The following ATRNL1 variants were observed in gnomAD, a reference collection of about 807,000 sequenced individuals.
The protein encoded by ATRNL1 is attractin like 1.
A neutral mutation model predicts 182.7 loss-of-function variants in ATRNL1; 95 were observed. The observed-to-expected ratio is 0.52, with a 90% CI of 0.44 to 0.62. The LOEUF is 0.62. Ranked by LOEUF, ATRNL1 falls within the 20% of genes least tolerant of loss-of-function variation. ATRNL1 has a pLI of 0.00. For missense variants in ATRNL1, 1,471 were observed against 1,679.5 expected (o/e 0.88, Z 2.17); for synonymous variants, 576 against 568.3 (o/e 1.01, Z -0.19).
At chr10:115,369,969 G>A (rs1410134365) in intron 19 of ATRNL1, among the ~76,000 whole-genome samples, 1 of 152,196 alleles carries the variant, frequency 6.6e-6, no homozygotes, top group African/African-American at 2.4e-5. Flanking sequence ...AGGTGTTGTG[G>A]GAGGGATCTG....
chr10:115,703,458 T>A (rs1946801815), intron 26 of ATRNL1, among the ~76,000 whole-genome samples: 1 of 151,776 alleles, frequency 6.6e-6, no homozygotes, highest in African/African-American at 2.4e-5. Flanking sequence ...GAGAACATTG[T>A]TATAAATATC....
intron 27 of ATRNL1, among the ~76,000 whole-genome samples, chr10:115,798,035 A>G (rs1485855061): frequency 6.6e-6 from 1 of 152,034 alleles, no homozygotes; most frequent in Non-Finnish European, 1.5e-5. Context: ...CTCCTGCCTC[A>G]GCCTCCTGAG....
chr10:115,545,710 A>G (rs1001236008), intron 25 of ATRNL1, among the ~76,000 whole-genome samples: 1 of 152,236 alleles, frequency 6.6e-6, no homozygotes, highest in African/African-American at 2.4e-5. Flanking sequence ...ATCATATAAA[A>G]ATACATTTTG....
intron 20 of ATRNL1, among the ~76,000 whole-genome samples, chr10:115,421,991 A>T (rs1845671279): frequency 6.6e-6 from 1 of 152,210 alleles, no homozygotes; most frequent in African/African-American, 2.4e-5. Context: ...CTGGCTAGCC[A>T]TATGCAGAAG....
chr10:115,642,934 A>G (rs1859346101), intron 26 of ATRNL1, among the ~76,000 whole-genome samples: 1 of 152,186 alleles, frequency 6.6e-6, no homozygotes, highest in South Asian at 2.1e-4. Flanking sequence ...ACATTTGGCA[A>G]TGTCTGGGGA....
chr10:115,630,507 T>C (rs1858413089), intron 26 of ATRNL1, among the ~76,000 whole-genome samples: 1 of 151,768 alleles, frequency 6.6e-6, no homozygotes, highest in African/African-American at 2.4e-5. Flanking sequence ...AATCTACTTC[T>C]GGGTATATAT....
At chr10:115,386,789 T>G (rs1554952760) in intron 19 of ATRNL1, among the ~76,000 whole-genome samples, 1 of 149,236 alleles carries the variant, frequency 6.7e-6, no homozygotes, top group African/African-American at 2.5e-5. Context: ...GCATTAGGTA[T>G]ATCTCCTAAT....
intron 25 of ATRNL1, among the ~76,000 whole-genome samples, chr10:115,521,223 G>A (rs536666324): frequency 2.6e-5 from 4 of 151,596 alleles, no homozygotes; most frequent in East Asian, 3.9e-4. Context: ...GCGCTATTTC[G>A]GCTCACTGCA....
At position 115,594,580 on chromosome 10, in the gene ATRNL1, C is replaced by T. The variant is rs1040746977; in HGVS notation, c.3795+45044C>T. Among the ~76,000 whole-genome samples the T allele has an allele frequency of 6.6e-5, 10 of 152,218 alleles. No individual in the cohort carries two copies. The South Asian group carries it at 8.3e-4, about 13-fold the overall frequency. On this transcript the variant is annotated intron_variant, in intron 26 of 28. Coordinates refer to ENST00000355044, the MANE Select transcript of ATRNL1 (RefSeq NM_207303.4). ...GGAGTGCAGTGGCGCGATCGTGGCT[C>T]ACCGCAATCTCCGCCTTCAGGGTTC... is the stretch of plus-strand genomic sequence containing the variant.
At chr10:115,181,876 T>C (rs1554887880) in intron 8 of ATRNL1, among the ~76,000 whole-genome samples, 1 of 151,628 alleles carries the variant, frequency 6.6e-6, no homozygotes, top group East Asian at 1.9e-4. Flanking sequence ...CTGCCCATAC[T>C]AGTAAAAAGT....
intron 27 of ATRNL1, among the ~76,000 whole-genome samples, chr10:115,732,584 C>T (rs886782174): frequency 6.6e-6 from 1 of 152,104 alleles, no homozygotes; most frequent in African/African-American, 2.4e-5. Context: ...ATAAAATAAG[C>T]AGAACATATT....
chr10:115,340,229 C>T (rs1855676074), intron 19 of ATRNL1, among the ~76,000 whole-genome samples: 1 of 152,116 alleles, frequency 6.6e-6, no homozygotes, highest in African/African-American at 2.4e-5. Flanking sequence ...CTGCAACCTC[C>T]ACCTCCTGGG....
chr10:115,629,112 G>C (rs12260896), intron 26 of ATRNL1, among the ~76,000 whole-genome samples: 1,661 of 151,806 alleles, frequency 0.011, 30 homozygotes, highest in African/African-American at 0.038. Context: ...TTAGGAATTG[G>C]GCATTATCCA....
intron 20 of ATRNL1, among the ~76,000 whole-genome samples, chr10:115,424,915 C>T (rs1845815648): frequency 6.6e-6 from 1 of 152,078 alleles, no homozygotes. Context: ...AACTAGAAAA[C>T]TACCATCAAT....
intron 19 of ATRNL1, among the ~76,000 whole-genome samples, chr10:115,385,466 C>T (rs1858285155): frequency 6.6e-6 from 1 of 152,066 alleles, no homozygotes. Context: ...CATAGAAGAT[C>T]TCCCTCAGAT....
chr10:115,810,391 A>C (rs1003662585), intron 27 of ATRNL1, among the ~76,000 whole-genome samples: 12 of 151,944 alleles, frequency 7.9e-5, no homozygotes, highest in Non-Finnish European at 1.6e-4. Flanking sequence ...TTTGATAGAA[A>C]TTGCCCACTG....
At chr10:115,358,550 A>T (rs1221052310) in intron 19 of ATRNL1, among the ~76,000 whole-genome samples, 1 of 151,712 alleles carries the variant, frequency 6.6e-6, no homozygotes, top group Non-Finnish European at 1.5e-5. Flanking sequence ...TATACCAGGT[A>T]CATTGCTAAA....
chr10:115,394,655 A>T lies in ATRNL1; in HGVS notation c.3176-4A>T, dbSNP rs1359612103. 1.2e-6 allele frequency: 2 copies of T among 1,610,534 alleles called. No individual in the cohort carries two copies. The highest frequency in any genetic ancestry group is 1.7e-6 in the Non-Finnish European group (2 of 1,177,344). ...TTCAATATCATTTTGGTTTTGACTT[A>T]CAGCTTGTACATGCAGTGGCCATGC... On this transcript the variant is annotated splice_polypyrimidine_tract_variant and splice_region_variant and intron_variant, in intron 19 of 28. Transcript: ENST00000355044.
intron 1 of ATRNL1, among the ~76,000 whole-genome samples, chr10:115,099,698 A>G (rs2085112737): frequency 6.6e-6 from 1 of 152,190 alleles, no homozygotes; most frequent in Non-Finnish European, 1.5e-5. Context: ...GATATTGAGT[A>G]TCTTCTCATG....
Sources: allele counts gnomAD v4.1 joint callset (sites outside exome capture counted in the v4.1 genomes callset), GRCh38; gene constraint gnomAD v4.1.1; transcripts MANE v1.5; gene names NCBI Gene and HGNC (gene_info 2026-07-23, HGNC 2026-07-21).